Variants in CELF4 observed in about 807,000 individuals in gnomAD.
CELF4 encodes the protein CUG-BP- and ETR-3-like factor 4.
In CELF4, 18 loss-of-function variants were observed where a neutral mutation model predicts 59.9. That is an observed-to-expected ratio of 0.30 (90% CI 0.21 to 0.45). CELF4 has a LOEUF of 0.45. CELF4 is among the 20% of genes least tolerant of loss of function. The pLI, the probability that CELF4 is intolerant of heterozygous loss-of-function variation, is 1.00. For synonymous variants in CELF4, 261 were observed against 267.1 expected (o/e 0.98, Z 0.22); for missense variants, 456 against 689.0 (o/e 0.66, Z 3.79).
chr18:37,394,848 A>G (rs1478265656), intron 2 of CELF4, among the ~76,000 whole-genome samples: 1 of 151,954 alleles, frequency 6.6e-6, no homozygotes, highest in Non-Finnish European at 1.5e-5. Flanking sequence ...GCCACCTCCT[A>G]GGCCCTAGGC....
chr18:37,319,083 T>A (rs1465110403), intron 3 of CELF4, among the ~76,000 whole-genome samples: 1 of 152,218 alleles, frequency 6.6e-6, no homozygotes, highest in East Asian at 1.9e-4. Context: ...ATCCCAGCTT[T>A]CCTGCCCATC....
intron 8 of CELF4, 56 bp downstream of exon 8, chr18:37,270,712 C>A: frequency 6.2e-7 from 1 of 1,600,254 alleles, no homozygotes; most frequent in Non-Finnish European, 8.6e-7. Flanking sequence ...AGGGCAGGGA[C>A]AGCATGGATA....
At chr18:37,561,041 G>C (rs2099986373) in intron 1 of CELF4, among the ~76,000 whole-genome samples, 1 of 152,194 alleles carries the variant, frequency 6.6e-6, no homozygotes, top group South Asian at 2.1e-4. Flanking sequence ...GATTGTGCAT[G>C]TGGTGGTGAG....
At chr18:37,467,095 C>T (rs1002066506) in intron 2 of CELF4, among the ~76,000 whole-genome samples, 4 of 152,064 alleles carry the variant, frequency 2.6e-5, no homozygotes, top group African/African-American at 7.2e-5. Context: ...GAGTCTCAGA[C>T]CCCCACCTGA....
At chr18:37,388,719 G>T (rs2099125657) in intron 2 of CELF4, among the ~76,000 whole-genome samples, 1 of 152,132 alleles carries the variant, frequency 6.6e-6, no homozygotes, top group South Asian at 2.1e-4. Context: ...AACTTACATG[G>T]GAGTAGGGGG....
At chr18:37,417,456 G>A (rs2099538400) in intron 2 of CELF4, among the ~76,000 whole-genome samples, 1 of 152,284 alleles carries the variant, frequency 6.6e-6, no homozygotes, top group Admixed American at 6.5e-5. Flanking sequence ...CTATGTTCAA[G>A]ATCCTTCCCC....
At chr18:37,519,420 C>T (rs2099954563) in intron 1 of CELF4, among the ~76,000 whole-genome samples, 1 of 152,090 alleles carries the variant, frequency 6.6e-6, no homozygotes, top group East Asian at 1.9e-4. Flanking sequence ...TTGCGCCTTC[C>T]TCCCCCTTCT....
chr18:37,482,219 C>T (rs1245790596), intron 2 of CELF4, among the ~76,000 whole-genome samples: 1 of 152,074 alleles, frequency 6.6e-6, no homozygotes, highest in Admixed American at 6.5e-5. Flanking sequence ...ACAGGAAATA[C>T]TTGTTGATGG....
At chr18:37,326,723 AG>A (rs1163286294) in intron 2 of CELF4, among the ~76,000 whole-genome samples, 1 of 152,072 alleles carries the variant, frequency 6.6e-6, no homozygotes, top group African/African-American at 2.4e-5. Context: ...TTAGGGAGCG[AG>A]TGGGCCTGGC....
chr18:37,361,657 T>C (rs934811600), intron 2 of CELF4, among the ~76,000 whole-genome samples: 1 of 151,910 alleles, frequency 6.6e-6, no homozygotes, highest in Non-Finnish European at 1.5e-5. Context: ...GGAAGCGGAC[T>C]AGCCCTGCAG....
chr18:37,365,054 T>C (rs1310306957), intron 2 of CELF4, among the ~76,000 whole-genome samples: 1 of 152,132 alleles, frequency 6.6e-6, no homozygotes, highest in Non-Finnish European at 1.5e-5. Context: ...GAGAGGTTGC[T>C]GGGAGAATGA....
At chr18:37,502,616 T>A (rs1263728367) in intron 1 of CELF4, among the ~76,000 whole-genome samples, 1 of 152,170 alleles carries the variant, frequency 6.6e-6, no homozygotes, top group Non-Finnish European at 1.5e-5. Context: ...ACTGCACTGC[T>A]GGGCACCATT....
intron 2 of CELF4, among the ~76,000 whole-genome samples, chr18:37,367,667 G>A (rs940704320): frequency 6.6e-5 from 10 of 151,980 alleles, no homozygotes; most frequent in South Asian, 4.2e-4. Context: ...AAATCAGGTC[G>A]GGGAGACTGT....
chr18:37,474,041 A>G (rs556195582), intron 2 of CELF4: 3 of 152,122 alleles, frequency 2.0e-5, no homozygotes, highest in Non-Finnish European at 4.4e-5. Context: ...TTGATGACAG[A>G]TGCAATGCCC....
intron 12 of CELF4, among the ~76,000 whole-genome samples, chr18:37,252,408 A>C (rs1025664585): frequency 1.3e-5 from 2 of 152,038 alleles, no homozygotes; most frequent in East Asian, 3.9e-4. Flanking sequence ...GGGTGACCCC[A>C]CTGAAATGCA....
At chr18:37,508,063 G>A (rs549853936) in intron 1 of CELF4, among the ~76,000 whole-genome samples, 4 of 152,328 alleles carry the variant, frequency 2.6e-5, no homozygotes, top group African/African-American at 9.6e-5. Flanking sequence ...TGCAGTTCCT[G>A]GGAGCTGTTA....
At chr18:37,338,333 C>G (rs1371933156) in intron 2 of CELF4, among the ~76,000 whole-genome samples, 1 of 131,096 alleles carries the variant, frequency 7.6e-6, no homozygotes, top group Non-Finnish European at 1.6e-5. Flanking sequence ...CTGCCACCAC[C>G]ACCACTGTCG....
chr18:37,553,511 G>A (rs1238749449), intron 1 of CELF4, among the ~76,000 whole-genome samples: 3 of 152,176 alleles, frequency 2.0e-5, no homozygotes, highest in Non-Finnish European at 2.9e-5. Context: ...CTGGTGCTTT[G>A]CTAACAAGTC....
intron 2 of CELF4, among the ~76,000 whole-genome samples, chr18:37,472,406 C>T (rs569390533): frequency 2.6e-5 from 4 of 152,320 alleles, no homozygotes; most frequent in South Asian, 4.1e-4. Flanking sequence ...AGCCAGGGGC[C>T]GGGGATGGAT....
Sources: gnomAD v4.1 joint callset for allele counts (sites outside exome capture counted in the v4.1 genomes callset) on GRCh38, gnomAD v4.1.1 for gene constraint, MANE v1.5 for transcripts, NCBI Gene and HGNC (gene_info 2026-07-23, HGNC 2026-07-21) for gene names.